The following CTIF variants were observed in gnomAD, a reference collection of about 807,000 sequenced individuals.
The protein encoded by CTIF is cap binding complex dependent translation initiation factor.
Under a neutral mutation model 66.0 loss-of-function variants are expected in CTIF, and 21 were observed. The observed-to-expected ratio is 0.32, with a 90% CI of 0.23 to 0.46. The LOEUF is 0.46. CTIF is among the 20% of genes least tolerant of loss of function. CTIF has a pLI of 1.00. For synonymous variants in CTIF, 345 were observed against 326.4 expected (o/e 1.06, Z -0.62); for missense variants, 739 against 812.7 (o/e 0.91, Z 1.10).
intron 6 of CTIF, among the ~76,000 whole-genome samples, chr18:48,695,359 A>G (rs897691306): frequency 4.6e-5 from 7 of 152,062 alleles, no homozygotes; most frequent in African/African-American, 1.7e-4. Context: ...GAGTCATTAT[A>G]ATGGGATCTG....
intron 6 of CTIF, among the ~76,000 whole-genome samples, chr18:48,705,918 C>G (rs977216703): frequency 2.0e-5 from 3 of 152,250 alleles, no homozygotes; most frequent in Admixed American, 1.3e-4. Flanking sequence ...TCGCACATGG[C>G]ACATATCAGC....
chr18:48,781,695 C>T (rs1242979989), intron 9 of CTIF, among the ~76,000 whole-genome samples: 1 of 152,024 alleles, frequency 6.6e-6, no homozygotes, highest in Non-Finnish European at 1.5e-5. Flanking sequence ...TTAGTCTCCC[C>T]TCCTCTCCCC....
intron 9 of CTIF, among the ~76,000 whole-genome samples, chr18:48,796,064 C>T (rs1035964492): frequency 2.0e-5 from 3 of 152,190 alleles, no homozygotes; most frequent in Non-Finnish European, 1.5e-5. Flanking sequence ...GGCATGATCT[C>T]GGCTCACTGC....
intron 10 of CTIF, among the ~76,000 whole-genome samples, chr18:48,839,797 C>T (rs1192597937): frequency 6.6e-6 from 1 of 152,126 alleles, no homozygotes; most frequent in African/African-American, 2.4e-5. Flanking sequence ...CTTCAGACAC[C>T]CTGGAGAAGT....
rs1599183659 is a variant in CTIF at position 48,860,464 on chromosome 18, C to T, written c.*905C>T. 6.4e-6 allele frequency: 1 copy of T among 157,020 alleles called. No individual in the cohort carries two copies. Among genetic ancestry groups the T allele is most frequent in the South Asian group, 2.0e-4 (1 of 5,074 alleles). 9.7% of individuals were successfully genotyped at this position (157,020 alleles called of 1,614,324 possible). A position where few individuals can be genotyped will look rare whatever the true frequency, so the allele number is the denominator to read the frequency against. ...AACTTCTGCCCCGGCGGGGGGTCCCCGCTGGAATCCTGTGTTCCTCGCCAC... is the reference window on the plus strand; with the variant it reads ...AACTTCTGCCCCGGCGGGGGGTCCCTGCTGGAATCCTGTGTTCCTCGCCAC... On this transcript the variant is annotated 3_prime_UTR_variant, in exon 12 of 12. Transcript: ENST00000256413.
chr18:48,603,757 G>C (rs1447099406), intron 1 of CTIF, among the ~76,000 whole-genome samples: 2 of 152,060 alleles, frequency 1.3e-5, no homozygotes, highest in Non-Finnish European at 2.9e-5. Context: ...TGCACCATGA[G>C]ATGCATCCTC....
At position 48,862,782 on chromosome 18, in the gene CTIF, G is replaced by GC. The variant is rs1332788115; in HGVS notation, c.*3224dup. 6.6e-6 allele frequency: 1 copy of GC among 152,338 alleles called. No homozygotes were observed. Among genetic ancestry groups the GC allele is most frequent in the Admixed American group, 6.5e-5 (1 of 15,274 alleles). The allele number at this position is 152,338 out of a possible 1,614,324, so 9.4% of individuals were successfully genotyped here. ...CCCAGACAGCCAGGCCGCCACCAGAGCAGCCCCATGGGGTGCCCCAGACGC... is the reference window on the plus strand; with the variant it reads ...CCCAGACAGCCAGGCCGCCACCAGAGCCAGCCCCATGGGGTGCCCCAGACGC... On this transcript the variant is annotated 3_prime_UTR_variant, in exon 12 of 12. Transcript: ENST00000256413.
chr18:48,734,770 A>T (rs962225108), intron 7 of CTIF, among the ~76,000 whole-genome samples: 2 of 152,182 alleles, frequency 1.3e-5, no homozygotes, highest in East Asian at 3.8e-4. Flanking sequence ...GATAGGAAGC[A>T]GGGGCTGGAG....
chr18:48,685,030 A>ATTTTTTTTTTTTTTTTTTTTTTTTTTTTT (rs35327726), intron 6 of CTIF, among the ~76,000 whole-genome samples: 1 of 133,624 alleles, frequency 7.5e-6, no homozygotes, highest in African/African-American at 2.7e-5. Flanking sequence ...GTTTGTTTGT[A>ATTTTTTTTTTTTTTTTTTTTTTTTTTTTT]TTTTTTTTTT....
chr18:48,825,002 C>G (rs1354930331), intron 10 of CTIF, among the ~76,000 whole-genome samples: 2 of 152,164 alleles, frequency 1.3e-5, no homozygotes, highest in Non-Finnish European at 2.9e-5. Context: ...CTCTCATCCT[C>G]TCTCTCCCCT....
In CTIF at chr18:48,822,241, T is replaced by C. The variant is rs2068498575; in HGVS notation, c.1527+4865T>C. Among the ~76,000 whole-genome samples the C allele has an allele frequency of 2.0e-5, 3 of 152,224 alleles. No individual in the cohort carries two copies. In the South Asian group the frequency reaches 6.2e-4, roughly 31 times the overall value. On this transcript the variant is annotated intron_variant, in intron 10 of 11. Coordinates refer to ENST00000256413, the MANE Select transcript of CTIF (RefSeq NM_014772.3). ...GGAGGTTAATATTTGTACATATTTA[T>C]GGGGTACATGTGATATTTTGTTACA...
chr18:48,727,496 CTG>C (rs2092396237), intron 7 of CTIF, among the ~76,000 whole-genome samples: 1 of 152,174 alleles, frequency 6.6e-6, no homozygotes, highest in South Asian at 2.1e-4. Flanking sequence ...ATATTTTGTA[CTG>C]TGTCTCTCCC....
At chr18:48,855,783 C>T (rs1476617884) in intron 10 of CTIF, among the ~76,000 whole-genome samples, 1 of 152,120 alleles carries the variant, frequency 6.6e-6, no homozygotes, top group African/African-American at 2.4e-5. Flanking sequence ...GTCTCCAGGA[C>T]GTTTTACCAG....
chr18:48,713,152 C>T (rs995506580), intron 7 of CTIF, among the ~76,000 whole-genome samples: 1 of 152,160 alleles, frequency 6.6e-6, no homozygotes, highest in Non-Finnish European at 1.5e-5. Flanking sequence ...AAGAAGGAGG[C>T]AGCACCCCTC....
At chr18:48,599,777 G>A (rs1384947388) in intron 1 of CTIF, among the ~76,000 whole-genome samples, 1 of 152,206 alleles carries the variant, frequency 6.6e-6, no homozygotes, top group Non-Finnish European at 1.5e-5. Context: ...CTAGCGACAG[G>A]GTGGGTACCA....
At position 48,698,377 on chromosome 18, in the gene CTIF, A is replaced by G. The variant is rs557570434; in HGVS notation, c.508-13242A>G. On this transcript the variant is annotated intron_variant, in intron 6 of 11. Transcript: ENST00000256413. ...TCGCTTCCATCCTGGGGAGGCAACT[A>G]TGTATTTATCTTATTTTCAGAGACT... Among the ~76,000 whole-genome samples, 7 of 151,854 alleles carry G rather than the reference A, an allele frequency of 4.6e-5. No homozygotes were observed. In the East Asian group the frequency reaches 1.4e-3, roughly 30 times the overall value.
At chr18:48,783,896 C>T (rs946807193) in intron 9 of CTIF, among the ~76,000 whole-genome samples, 9 of 152,162 alleles carry the variant, frequency 5.9e-5, no homozygotes, top group African/African-American at 2.2e-4. Context: ...TCCAGCCTTA[C>T]GTAGCGTCCA....
chr18:48,696,964 A>G (rs947485371), intron 6 of CTIF, among the ~76,000 whole-genome samples: 1 of 152,168 alleles, frequency 6.6e-6, no homozygotes, highest in African/African-American at 2.4e-5. Context: ...GGTCTTTGTT[A>G]CCTTTTCCCT....
chr18:48,846,692 T>C (rs567760001), intron 10 of CTIF, among the ~76,000 whole-genome samples: 3 of 149,956 alleles, frequency 2.0e-5, no homozygotes, highest in Non-Finnish European at 4.4e-5. Context: ...GGTGAGTAGA[T>C]AGATGGATGA....
Sources: allele counts gnomAD v4.1 joint callset (sites outside exome capture counted in the v4.1 genomes callset), GRCh38; gene constraint gnomAD v4.1.1; transcripts MANE v1.5; gene names NCBI Gene and HGNC (gene_info 2026-07-23, HGNC 2026-07-21).